The following CLNK variants were observed in gnomAD, a reference collection of about 807,000 sequenced individuals.
The protein encoded by CLNK is cytokine dependent hematopoietic cell linker, also known as cytokine-dependent hematopoietic cell linker.
CLNK carries 74 observed loss-of-function variants against 68.6 expected under a neutral mutation model. The observed-to-expected ratio is 1.08, with a 90% CI of 0.89 to 1.31. The LOEUF (loss-of-function observed/expected upper bound fraction) is 1.31. CLNK is among the 50% of genes most tolerant of loss of function. CLNK has a pLI of 0.00. For missense variants in CLNK, 553 were observed against 515.3 expected, an observed-to-expected ratio of 1.07 and a Z score of -0.71; for synonymous variants, 198 against 172.2, an observed-to-expected ratio of 1.15 and a Z score of -1.17.
At chr4:10,577,648 G>A (rs778408011) in intron 4 of CLNK, among the ~76,000 whole-genome samples, 1 of 151,854 alleles carries the variant, frequency 6.6e-6, no homozygotes, top group East Asian at 1.9e-4. Context: ...CAGACATCAC[G>A]ATTTCAGGCT....
At chr4:10,693,040 T>C in the CLNK span, among the ~76,000 whole-genome samples, 2 of 152,198 alleles carry the variant, frequency 1.3e-5, no homozygotes, top group East Asian at 3.8e-4. Flanking sequence ...GGTTAGTGTA[T>C]CTGTAACGCA....
At chr4:10,559,533 G>A (rs963023670) in intron 7 of CLNK, among the ~76,000 whole-genome samples, 1 of 152,106 alleles carries the variant, frequency 6.6e-6, no homozygotes, top group African/African-American at 2.4e-5. Context: ...CTGTGTGCCT[G>A]CCCCACAGAG....
chr4:10,709,530 T>C, the CLNK span, among the ~76,000 whole-genome samples: 1 of 152,208 alleles, frequency 6.6e-6, no homozygotes, highest in African/African-American at 2.4e-5. Flanking sequence ...AATTGATAAA[T>C]TAATGGCAAA....
chr4:10,687,890 T>C (rs1487831786), upstream of CLNK, among the ~76,000 whole-genome samples: 2 of 152,176 alleles, frequency 1.3e-5, no homozygotes, highest in Non-Finnish European at 2.9e-5. Flanking sequence ...GCATAGTTTA[T>C]TGGGTTCATG....
intron 2 of CLNK, among the ~76,000 whole-genome samples, chr4:10,630,013 C>T (rs554160638): frequency 1.1e-4 from 17 of 152,270 alleles, no homozygotes; most frequent in South Asian, 8.3e-4. Flanking sequence ...TTGGGGACCA[C>T]GGCAGTGCAA....
At chr4:10,733,798 C>A in the CLNK span, among the ~76,000 whole-genome samples, 1 of 152,214 alleles carries the variant, frequency 6.6e-6, no homozygotes, top group Non-Finnish European at 1.5e-5. Context: ...TGCTGCTGAA[C>A]TAAGTGCTAG....
Position 10,501,434 on chromosome 4 carries a change from C to A in CLNK, c.985-23G>T. The A allele has an allele frequency of 1.9e-6, 3 of 1,601,206 alleles. No homozygotes were observed. The South Asian group carries it at 3.4e-5, about 18-fold the overall frequency. On this transcript the variant is annotated intron_variant, in intron 17 of 18. Coordinates refer to ENST00000226951, the MANE Select transcript of CLNK (RefSeq NM_052964.4). ...ATCCTGAAGCAAAAAGAGTAACAGT[C>A]ATCTTTTCAGACACGCCAGCATTCT...
chr4:10,610,417 A>G (rs1016923575), intron 2 of CLNK, among the ~76,000 whole-genome samples: 1 of 151,842 alleles, frequency 6.6e-6, no homozygotes, highest in South Asian at 2.1e-4. Context: ...TCTAATTTAG[A>G]AAACAAGAAA....
intron 16 of CLNK, among the ~76,000 whole-genome samples, chr4:10,510,593 A>G (rs968381285): frequency 4.6e-5 from 7 of 152,208 alleles, no homozygotes; most frequent in Non-Finnish European, 7.3e-5. Context: ...TAGGGGTCAG[A>G]CACGCCTCAT....
intron 15 of CLNK, chr4:10,517,345 G>T (rs1717878190): frequency 6.6e-6 from 1 of 152,028 alleles, no homozygotes; most frequent in Admixed American, 6.6e-5. Context: ...TATAAAAACA[G>T]ACCCCAAAAT....
intron 11 of CLNK, among the ~76,000 whole-genome samples, chr4:10,535,106 T>C (rs1030636207): frequency 1.3e-4 from 20 of 151,842 alleles, no homozygotes; most frequent in African/African-American, 4.8e-4. Context: ...TCCAGCACTT[T>C]GAGAGGATAA....
At chr4:10,596,333 C>T (rs1373205368) in intron 3 of CLNK, among the ~76,000 whole-genome samples, 7 of 152,294 alleles carry the variant, frequency 4.6e-5, no homozygotes, top group African/African-American at 1.7e-4. Flanking sequence ...CTTCAAATAT[C>T]ACTTCTAAAA....
intron 3 of CLNK, 96 bp from the exon 4 acceptor site, chr4:10,585,051 C>A (rs1442796111): frequency 7.6e-7 from 1 of 1,312,576 alleles, no homozygotes; most frequent in Non-Finnish European, 1.1e-6. Context: ...CGTCATTGTA[C>A]AAGTCAGCCT....
chr4:10,499,327 C>A (rs1376848261), intron 18 of CLNK, among the ~76,000 whole-genome samples: 2 of 152,190 alleles, frequency 1.3e-5, no homozygotes, highest in South Asian at 2.1e-4. Context: ...CAAGGAGGCA[C>A]CCCTCTGTGC....
chr4:10,545,911 C>T (rs1031047556), intron 8 of CLNK, among the ~76,000 whole-genome samples: 1 of 152,166 alleles, frequency 6.6e-6, no homozygotes, highest in Non-Finnish European at 1.5e-5. Context: ...TTGAGCCGGG[C>T]AGCCATGAAG....
At chr4:10,497,972 G>T (rs1377737192) in intron 18 of CLNK, among the ~76,000 whole-genome samples, 2 of 151,602 alleles carry the variant, frequency 1.3e-5, no homozygotes, top group African/African-American at 4.9e-5. Context: ...AAGGTGGGCA[G>T]ATCACCTGAG....
chr4:10,697,641 A>G, the CLNK span: 1 of 151,942 alleles, frequency 6.6e-6, no homozygotes, highest in Non-Finnish European at 1.5e-5. Flanking sequence ...GCCAGAGTAG[A>G]CTCTTCTTGT....
chr4:10,544,462 A>C (rs1719149584), intron 8 of CLNK, among the ~76,000 whole-genome samples: 1 of 152,234 alleles, frequency 6.6e-6, no homozygotes, highest in Non-Finnish European at 1.5e-5. Context: ...CATAAACAAA[A>C]GTATAAATAA....
At chr4:10,655,101 GAAAAAAAAAAA>G (rs748148319) in intron 2 of CLNK, among the ~76,000 whole-genome samples, 1 of 72,824 alleles carries the variant, frequency 1.4e-5, no homozygotes, top group South Asian at 5.3e-4. Context: ...ACACCGACTC[GAAAAAAAAAAA>G]AAAAAAAAAG....
Sources: allele counts gnomAD v4.1 joint callset (sites outside exome capture counted in the v4.1 genomes callset), GRCh38; gene constraint gnomAD v4.1.1; transcripts MANE v1.5; gene names NCBI Gene and HGNC (gene_info 2026-07-23, HGNC 2026-07-21).